The following LMO7 variants were observed in gnomAD, a reference collection of about 807,000 sequenced individuals.
The protein encoded by LMO7 is LIM domain 7, also known as LIM domain only protein 7.
In LMO7, 120 loss-of-function variants were observed where a neutral mutation model predicts 206.5. That is an observed-to-expected ratio of 0.58 (90% confidence interval 0.50 to 0.68). The LOEUF (loss-of-function observed/expected upper bound fraction) is 0.68. LMO7 is among the 30% of genes least tolerant of loss of function. The pLI, the probability that LMO7 is intolerant of heterozygous loss-of-function variation, is 0.00. For synonymous variants in LMO7, 706 were observed against 681.5 expected, an observed-to-expected ratio of 1.04 and a Z score of -0.56; for missense variants, 1,959 against 1,957.9, an observed-to-expected ratio of 1.00 and a Z score of -0.01.
At chr13:75,636,281 C>T, upstream of LMO7, 2 of 537,544 alleles carry the variant, frequency 3.7e-6, no homozygotes, top group Non-Finnish European at 4.6e-6. Context: ...TGGGCCGGGG[C>T]GGGGCCACCG....
chr13:75,770,834 C>T (rs2049546032), intron 4 of LMO7, among the ~76,000 whole-genome samples: 2 of 152,080 alleles, frequency 1.3e-5, no homozygotes, highest in Admixed American at 6.6e-5. Flanking sequence ...CTTCACATGC[C>T]TGAATTGCAA....
chr13:75,845,883 GA>G (rs1329221085), intron 26 of LMO7, among the ~76,000 whole-genome samples: 1 of 151,828 alleles, frequency 6.6e-6, no homozygotes, highest in Non-Finnish European at 1.5e-5. Flanking sequence ...ATGTAACTAT[GA>G]AAAAAAACCC....
chr13:75,664,376 G>A (rs1288338069), intron 1 of LMO7, among the ~76,000 whole-genome samples: 1 of 152,040 alleles, frequency 6.6e-6, no homozygotes, highest in Non-Finnish European at 1.5e-5. Flanking sequence ...TCTTTTTTAT[G>A]GCTGAATAGT....
At position 75,722,358 on chromosome 13, in the gene LMO7, A is replaced by T. The variant is rs142196610; in HGVS notation, c.141-4671A>T. 3.3e-3 allele frequency among the ~76,000 whole-genome samples: 499 copies of T among 152,322 alleles called. 4 individuals are homozygous for T. The highest frequency in any genetic ancestry group is 5.1e-3 in the Non-Finnish European group (349 of 68,014). On this transcript the variant is annotated intron_variant, in intron 2 of 30. Coordinates refer to ENST00000377534, the MANE Select transcript of LMO7 (RefSeq NM_001306080.2). ...GGGAACTCAAACAAATCAAGAAAAA[A>T]ACAATCCCATCAAAAGTGGGCTAAG...
At chr13:75,835,451 A>T in intron 18 of LMO7, 112 bp downstream of exon 18, 2 of 624,404 alleles carry the variant, frequency 3.2e-6, no homozygotes, top group Non-Finnish European at 5.2e-6. Context: ...TAACTTTAAA[A>T]TGTAAATGAT....
chr13:75,821,525 T>TA lies in LMO7; in HGVS notation c.2557dup (p.Thr853AsnfsTer31), dbSNP rs1342900380. 6.2e-7 allele frequency: 1 copy of TA among 1,614,010 alleles called. No homozygotes were observed. Reference sequence around the variant, plus strand: ...TCCCCAGAAGTTACCGGAAAACTGATACAGTCAGGTTAACATCTGTGGTCA... The same window carrying TA: ...TCCCCAGAAGTTACCGGAAAACTGATAACAGTCAGGTTAACATCTGTGGTCA... On this transcript the variant is annotated frameshift_variant, in exon 14 of 31. Coordinates refer to ENST00000377534, the MANE Select transcript of LMO7 (RefSeq NM_001306080.2). LOFTEE classifies it high-confidence loss of function.
chr13:75,750,377 CTTT>C (rs34407423), intron 3 of LMO7, among the ~76,000 whole-genome samples: 42 of 93,378 alleles, frequency 4.5e-4, no homozygotes, highest in Non-Finnish European at 7.3e-4. Flanking sequence ...CTGGGGGATC[CTTT>C]TTTTTTTTTT....
chr13:75,770,069 A>G (rs2049426020), intron 4 of LMO7, among the ~76,000 whole-genome samples: 1 of 152,014 alleles, frequency 6.6e-6, no homozygotes, highest in Non-Finnish European at 1.5e-5. Context: ...AATGCCCAAG[A>G]GTAGAGCACA....
intron 9 of LMO7, 68 bp from the exon 10 acceptor site, chr13:75,807,412 A>G (rs2055687745): frequency 6.6e-7 from 1 of 1,526,452 alleles, no homozygotes; most frequent in Non-Finnish European, 8.8e-7. Context: ...TGGCTAGTCG[A>G]TCTGCTAATT....
intron 3 of LMO7, among the ~76,000 whole-genome samples, chr13:75,738,256 T>C (rs1303965177): frequency 6.6e-6 from 1 of 152,246 alleles, no homozygotes; most frequent in Non-Finnish European, 1.5e-5. Flanking sequence ...TCCTTTGCTA[T>C]AGTTATGCTT....
chr13:75,655,457 C>G lies in LMO7; in HGVS notation c.69+18731C>G, dbSNP rs181285033. On this transcript the variant is annotated intron_variant, in intron 1 of 30. Transcript: ENST00000377534. Reference sequence around the variant, plus strand: ...TATTTATTCTATTTGATTGTCATCTCAGATATTTTTGCAACTTCTTTTGTT... The same window carrying G: ...TATTTATTCTATTTGATTGTCATCTGAGATATTTTTGCAACTTCTTTTGTT... Among the ~76,000 whole-genome samples, 732 of 152,092 alleles carry G rather than the reference C, an allele frequency of 4.8e-3. 3 individuals carry two copies. Among genetic ancestry groups the G allele is most frequent in the African/African-American group, 0.017 (708 of 41,484 alleles).
At chr13:75,754,501 G>A (rs2047518491) in intron 3 of LMO7, among the ~76,000 whole-genome samples, 1 of 151,996 alleles carries the variant, frequency 6.6e-6, no homozygotes, top group South Asian at 2.1e-4. Context: ...TAATTCTTTG[G>A]GATATATATA....
At chr13:75,629,432 C>T (rs1352694591) in intron 2 of LMO7, among the ~76,000 whole-genome samples, 4 of 152,076 alleles carry the variant, frequency 2.6e-5, no homozygotes, top group Non-Finnish European at 5.9e-5. Context: ...AGAAGATATG[C>T]CTCACCTCGC....
intron 2 of LMO7, among the ~76,000 whole-genome samples, chr13:75,719,551 G>A (rs2043848961): frequency 6.6e-6 from 1 of 152,094 alleles, no homozygotes; most frequent in Admixed American, 6.5e-5. Flanking sequence ...GATAGTGAGT[G>A]AGTTCTCACG....
At chr13:75,733,568 C>G (rs895717752) in intron 3 of LMO7, among the ~76,000 whole-genome samples, 14 of 152,206 alleles carry the variant, frequency 9.2e-5, no homozygotes, top group African/African-American at 3.1e-4. Context: ...TCCCTGACCC[C>G]TTGCGCTTCC....
intron 3 of LMO7, among the ~76,000 whole-genome samples, chr13:75,727,637 T>C (rs1314043737): frequency 6.6e-6 from 1 of 152,142 alleles, no homozygotes; most frequent in African/African-American, 2.4e-5. Context: ...TTTTTATTAT[T>C]ATTATACTTT....
intron 15 of LMO7, among the ~76,000 whole-genome samples, chr13:75,824,825 G>T (rs2057957838): frequency 6.6e-6 from 1 of 151,706 alleles, no homozygotes; most frequent in Non-Finnish European, 1.5e-5. Context: ...TAGAGTGTGT[G>T]TGTGTATATA....
chr13:75,648,915 A>C (rs1252371899), intron 1 of LMO7, among the ~76,000 whole-genome samples: 1 of 152,222 alleles, frequency 6.6e-6, no homozygotes, highest in Non-Finnish European at 1.5e-5. Flanking sequence ...GAATAAGTGC[A>C]GACATGGTGG....
intron 4 of LMO7, among the ~76,000 whole-genome samples, chr13:75,788,545 C>G (rs1481222943): frequency 6.6e-6 from 1 of 151,868 alleles, no homozygotes; most frequent in Non-Finnish European, 1.5e-5. Context: ...ACACATGCCT[C>G]CGCTCTTGCC....
Sources: gnomAD v4.1 joint callset for allele counts (sites outside exome capture counted in the v4.1 genomes callset) on GRCh38, gnomAD v4.1.1 for gene constraint, MANE v1.5 for transcripts, NCBI Gene and HGNC (gene_info 2026-07-23, HGNC 2026-07-21) for gene names.